Variants in RIMS1 observed in about 807,000 individuals in gnomAD.
RIMS1 encodes the protein regulating synaptic membrane exocytosis 1.
RIMS1 carries 83 observed loss-of-function variants against 214.1 expected under a neutral mutation model. The ratio of observed to expected loss-of-function variants is 0.39; its 90% CI spans 0.32 to 0.47. The LOEUF is 0.47. RIMS1 is among the 20% of genes least tolerant of loss of function. The pLI is 0.99. For synonymous variants in RIMS1, 793 were observed against 786.8 expected (o/e 1.01, Z -0.13); for missense variants, 2,050 against 2,161.8 (o/e 0.95, Z 1.03).
chr6:71,916,145 A>G (rs1778344634), intron 1 of RIMS1, among the ~76,000 whole-genome samples: 1 of 152,160 alleles, frequency 6.6e-6, no homozygotes, highest in Non-Finnish European at 1.5e-5. Context: ...GAGGAAAATT[A>G]GTGGTGAGAA....
At chr6:71,992,394 TTC>T (rs377623445) in intron 2 of RIMS1, among the ~76,000 whole-genome samples, 1,372 of 97,982 alleles carry the variant, frequency 0.014, 12 homozygotes, top group South Asian at 0.031. Context: ...GCTTCTTTCT[TTC>T]TCTCTCTCTC....
intron 2 of RIMS1, among the ~76,000 whole-genome samples, chr6:72,044,740 T>A (rs1214227145): frequency 6.6e-6 from 1 of 151,942 alleles, no homozygotes; most frequent in East Asian, 1.9e-4. Flanking sequence ...TAGTTGAGAT[T>A]ATCACAGGTT....
intron 29 of RIMS1, among the ~76,000 whole-genome samples, chr6:72,364,601 A>T (rs532443913): frequency 3.3e-5 from 5 of 152,304 alleles, no homozygotes; most frequent in Non-Finnish European, 7.4e-5. Context: ...CTCTTTGGCA[A>T]CTGTGTTGGT....
chr6:72,054,044 T>C (rs1289663220), intron 2 of RIMS1, among the ~76,000 whole-genome samples: 1 of 152,054 alleles, frequency 6.6e-6, no homozygotes, highest in Non-Finnish European at 1.5e-5. Flanking sequence ...CTGCATGCAT[T>C]AGCTATTTGT....
chr6:72,383,631 A>AG (rs35547909), intron 29 of RIMS1, among the ~76,000 whole-genome samples: 37 of 149,542 alleles, frequency 2.5e-4, no homozygotes, highest in Non-Finnish European at 3.1e-4. Context: ...AAAAAAAAAA[A>AG]CTAAAACAAT....
intron 1 of RIMS1, among the ~76,000 whole-genome samples, chr6:71,926,730 C>A (rs1381966848): frequency 1.3e-5 from 2 of 152,106 alleles, no homozygotes; most frequent in Non-Finnish European, 2.9e-5. Flanking sequence ...TGTTTAACTT[C>A]TAAGTTAACA....
Position 71,957,748 on chromosome 6 carries a change from A to G in RIMS1, c.165-11235A>G, listed in dbSNP as rs924173476. 3.3e-5 allele frequency among the ~76,000 whole-genome samples: 5 copies of G among 150,642 alleles called. No individual in the cohort carries two copies. In the East Asian group the frequency reaches 9.6e-4, roughly 29 times the overall value. On this transcript the variant is annotated intron_variant, in intron 1 of 33. Coordinates refer to ENST00000521978, the MANE Select transcript of RIMS1 (RefSeq NM_014989.7). ...CAGTGTATAGACATATTAAAAGTAT[A>G]ATAAACTAAATTTTTAGCCGATAAA...
intron 2 of RIMS1, among the ~76,000 whole-genome samples, chr6:72,014,285 T>C (rs182214707): frequency 6.6e-6 from 1 of 152,178 alleles, no homozygotes; most frequent in Non-Finnish European, 1.5e-5. Context: ...ACCACCCCCA[T>C]GATTCAGTTA....
chr6:72,147,229 A>T (rs1020597594), intron 4 of RIMS1, among the ~76,000 whole-genome samples: 13 of 152,300 alleles, frequency 8.5e-5, no homozygotes, highest in African/African-American at 3.1e-4. Flanking sequence ...CTATGCATTT[A>T]TTTTTCTTTA....
chr6:71,907,337 G>T (rs1171830625), intron 1 of RIMS1, among the ~76,000 whole-genome samples: 2 of 152,160 alleles, frequency 1.3e-5, no homozygotes, highest in East Asian at 3.9e-4. Flanking sequence ...TAGCATGGAG[G>T]AATACCTCCA....
intron 22 of RIMS1, chr6:72,266,252 T>G (rs1267676479): frequency 1.7e-6 from 1 of 585,982 alleles, no homozygotes; most frequent in Non-Finnish European, 3.1e-6. Context: ...ATACACATAT[T>G]TCTATGAATG....
At chr6:72,114,826 A>G (rs1192382844) in intron 4 of RIMS1, among the ~76,000 whole-genome samples, 1 of 151,814 alleles carries the variant, frequency 6.6e-6, no homozygotes, top group Non-Finnish European at 1.5e-5. Context: ...ATTGTTGTGG[A>G]GCTGTCTTAT....
chr6:72,105,642 T>G (rs1245884502), intron 4 of RIMS1, among the ~76,000 whole-genome samples: 2 of 152,218 alleles, frequency 1.3e-5, no homozygotes, highest in East Asian at 3.8e-4. Flanking sequence ...AAGTTTATTA[T>G]TTAATAAATT....
rs373172571 is a variant in RIMS1, at chr6:72,110,588, T to G, written c.471+10602T>G. ...ACTTTGCTGAAGTTGCTTATCAGCT[T>G]AAGGAGATTTTGGGCTGAGACAATG... On this transcript the variant is annotated intron_variant, in intron 4 of 33. Coordinates refer to ENST00000521978, the MANE Select transcript of RIMS1 (RefSeq NM_014989.7). Among the ~76,000 whole-genome samples the G allele has an allele frequency of 1.1e-4, 17 of 149,604 alleles. No individual in the cohort carries two copies. The East Asian group carries it at 1.9e-3, about 17-fold the overall frequency.
chr6:72,331,999 C>G (rs1593903405), intron 28 of RIMS1, among the ~76,000 whole-genome samples: 1 of 151,924 alleles, frequency 6.6e-6, no homozygotes, highest in East Asian at 2.0e-4. Flanking sequence ...CTTATAAACT[C>G]TCCTTGCTGA....
chr6:72,313,622 C>G lies in RIMS1; in HGVS notation c.4080C>G (p.Ser1360Arg), dbSNP rs779578670. The G allele has an allele frequency of 6.2e-7, 1 of 1,613,614 alleles. No homozygotes were observed. Among genetic ancestry groups the G allele is most frequent in the Non-Finnish European group, 8.5e-7 (1 of 1,179,686 alleles). Residue 1360 changes from serine (S) to arginine (R), a missense_variant, in exon 28 of 34, where the codon AGC becomes AGG. Ser to Arg is a moderately radical substitution (Grantham distance 110). Transcript: ENST00000521978. ...ISRTSSASRL[S>R]STSFMSEQSE... is the part of the protein sequence containing the mutation. ...GAACCAGCAGTGCCTCACGCCTCAGCAGCACAAGCTTTATGTCAGAGCAAT... is the reference window on the plus strand; with the variant it reads ...GAACCAGCAGTGCCTCACGCCTCAGGAGCACAAGCTTTATGTCAGAGCAAT...
intron 24 of RIMS1, among the ~76,000 whole-genome samples, chr6:72,288,538 G>A (rs1262229014): frequency 6.6e-6 from 1 of 152,100 alleles, no homozygotes; most frequent in Admixed American, 6.5e-5. Context: ...TACATTCTTA[G>A]CACATCCCAT....
chr6:72,131,054 G>A (rs1331982946), intron 4 of RIMS1, among the ~76,000 whole-genome samples: 1 of 152,010 alleles, frequency 6.6e-6, no homozygotes, highest in African/African-American at 2.4e-5. Flanking sequence ...AATTTCCTAT[G>A]GTGTTCTTAA....
At chr6:72,107,730 C>A (rs1259975489) in intron 4 of RIMS1, among the ~76,000 whole-genome samples, 1 of 151,896 alleles carries the variant, frequency 6.6e-6, no homozygotes, top group Non-Finnish European at 1.5e-5. Context: ...ACAAAATATA[C>A]CAAATAAATT....
Sources: gnomAD v4.1 joint callset for allele counts (sites outside exome capture counted in the v4.1 genomes callset) on GRCh38, gnomAD v4.1.1 for gene constraint, MANE v1.5 for transcripts, NCBI Gene and HGNC (gene_info 2026-07-23, HGNC 2026-07-21) for gene names.